Variants in USP4 observed in about 807,000 individuals in gnomAD.
USP4 encodes ubiquitin specific peptidase 4.
A neutral mutation model predicts 118.2 loss-of-function variants in USP4; 72 were observed. The ratio of observed to expected loss-of-function variants is 0.61; its 90% confidence interval spans 0.50 to 0.74. The LOEUF (loss-of-function observed/expected upper bound fraction) is 0.74. Ranked by LOEUF, USP4 falls within the 30% of genes least tolerant of loss-of-function variation. USP4 has a pLI of 0.00. For missense variants in USP4, 1,037 were observed against 1,185.7 expected (o/e 0.87, Z 1.84); for synonymous variants, 415 against 440.4 (o/e 0.94, Z 0.72).
chr3:49,294,229 C>T (rs2047179964), intron 14 of USP4, among the ~76,000 whole-genome samples, 178 bp downstream of exon 14: 1 of 152,192 alleles, frequency 6.6e-6, no homozygotes, highest in South Asian at 2.1e-4. Flanking sequence ...AGGTGATCTG[C>T]CCGCCTTGGC....
In USP4 at chr3:49,335,762, A is replaced by G. The variant is rs1236256159; in HGVS notation, c.102-166T>C. Among the ~76,000 whole-genome samples, 5 of 152,254 alleles carry G rather than the reference A, an allele frequency of 3.3e-5. No individual in the cohort carries two copies. The East Asian group carries it at 9.6e-4, about 29-fold the overall frequency. ...AGGGCCCAGGCCCCACATGGCACAG[A>G]GAGTCTGGCCCAGGGTATGCATCCA... On this transcript the variant is annotated intron_variant, in intron 1 of 21. Transcript: ENST00000265560.
At chr3:49,294,934 G>C (rs1014796364) in intron 13 of USP4, among the ~76,000 whole-genome samples, 9 of 152,036 alleles carry the variant, frequency 5.9e-5, no homozygotes, top group African/African-American at 2.2e-4. Context: ...GAACACAAAG[G>C]CACACAGCTG....
rs538928823 is a variant in USP4, at chr3:49,301,685, C to T, written c.1287+699G>A. ...CCTGGGCAACAGAGTGAGACTCCAT[C>T]TCAAAAAAAATAAATAAATAAATTT... On this transcript the variant is annotated intron_variant, in intron 10 of 21. Coordinates refer to ENST00000265560, the MANE Select transcript of USP4 (RefSeq NM_003363.4). Among the ~76,000 whole-genome samples the T allele has an allele frequency of 4.6e-5, 7 of 151,798 alleles. No homozygotes were observed. In the South Asian group the frequency reaches 1.2e-3, roughly 27 times the overall value.
intron 8 of USP4, among the ~76,000 whole-genome samples, chr3:49,306,550 C>T (rs1183953045): frequency 4.0e-5 from 6 of 151,828 alleles, no homozygotes; most frequent in Admixed American, 6.6e-5. Context: ...CTCCTACTTC[C>T]TTTGGGTTCT....
At chr3:49,298,335 G>A (rs1261738254) in intron 12 of USP4, among the ~76,000 whole-genome samples, 1 of 152,192 alleles carries the variant, frequency 6.6e-6, no homozygotes, top group Admixed American at 6.6e-5. Context: ...CACGGCTAGT[G>A]TGAACCCAAT....
chr3:49,317,558 T>C, intron 6 of USP4: 1 of 560,080 alleles, frequency 1.8e-6, no homozygotes, highest in South Asian at 2.1e-5. Flanking sequence ...TTTTTTTTTT[T>C]GAGACAACAG....
chr3:49,282,585 G>T (rs2047044798), intron 19 of USP4, among the ~76,000 whole-genome samples: 2 of 150,504 alleles, frequency 1.3e-5, no homozygotes, highest in Admixed American at 6.6e-5. Flanking sequence ...CCAAGATAAA[G>T]AATTTTTACA....
intron 6 of USP4, among the ~76,000 whole-genome samples, chr3:49,323,596 G>A (rs907103995): frequency 7.9e-5 from 12 of 152,100 alleles, no homozygotes; most frequent in Non-Finnish European, 1.6e-4. Flanking sequence ...ACTGGCAACC[G>A]GGGTTTCTTA....
chr3:49,298,544 C>T lies in USP4; in HGVS notation c.1596+8G>A, dbSNP rs532916866. ...ATAGACCGAGTGCCACTGATCACCC[C>T]GCCTTACATTTTCTGCAGCAATGCC... is the stretch of plus-strand genomic sequence containing the variant. On this transcript the variant is annotated splice_region_variant and intron_variant, in intron 12 of 21. Coordinates refer to ENST00000265560, the MANE Select transcript of USP4 (RefSeq NM_003363.4). 1.5e-5 allele frequency: 24 copies of T among 1,613,992 alleles called. No individual in the cohort carries two copies. Among genetic ancestry groups the T allele is most frequent in the African/African-American group, 2.7e-5 (2 of 75,054 alleles).
chr3:49,334,819 GCCCTGATTTTTGACAC>G (rs1260776073), intron 2 of USP4, among the ~76,000 whole-genome samples: 2 of 152,112 alleles, frequency 1.3e-5, no homozygotes, highest in Non-Finnish European at 2.9e-5. Context: ...TCCTGGCACT[GCCCTGATTTTTGACAC>G]CCATGACAGA....
intron 8 of USP4, among the ~76,000 whole-genome samples, chr3:49,310,171 C>T (rs1177929038): frequency 1.3e-5 from 2 of 151,366 alleles, no homozygotes; most frequent in Non-Finnish European, 2.9e-5. Flanking sequence ...GTGATCCACC[C>T]GCCTCTGCCT....
intron 6 of USP4, chr3:49,313,870 C>T (rs759042655): frequency 6.6e-6 from 1 of 151,880 alleles, no homozygotes; most frequent in Non-Finnish European, 1.5e-5. Flanking sequence ...TTAATTTTTA[C>T]CTTTTTTTTT....
rs185544302 is a variant in USP4 at position 49,299,838 on chromosome 3, T to C, written c.1512+629A>G. Among the ~76,000 whole-genome samples the C allele has an allele frequency of 2.4e-3, 358 of 152,332 alleles. 2 individuals are homozygous for C. Among genetic ancestry groups the C allele is most frequent in the African/African-American group, 8.3e-3 (346 of 41,576 alleles). ...CTTCTGTACAGGCTGTCCTAGGTTA[T>C]GTGAGGGTATATCTGAGTACGAAAA... On this transcript the variant is annotated intron_variant, in intron 11 of 21. Transcript: ENST00000265560.
intron 6 of USP4, chr3:49,316,761 G>A: frequency 2.4e-6 from 1 of 411,484 alleles, no homozygotes; most frequent in Admixed American, 4.0e-5. Flanking sequence ...CTGGGCCTCT[G>A]CTGGCTGAGG....
At chr3:49,317,509 C>T in intron 6 of USP4, 10 of 626,972 alleles carry the variant, frequency 1.6e-5, no homozygotes, top group South Asian at 5.4e-5. Context: ...GAGTTTCACT[C>T]TTTTTTTGTT....
At chr3:49,281,080 G>A (rs1167212333) in intron 19 of USP4, among the ~76,000 whole-genome samples, 1 of 152,150 alleles carries the variant, frequency 6.6e-6, no homozygotes, top group Non-Finnish European at 1.5e-5. Context: ...CAGCACTTTG[G>A]GGGGCCAAGG....
At chr3:49,286,017 C>T in intron 16 of USP4, 81 bp downstream of exon 16, 1 of 1,339,796 alleles carries the variant, frequency 7.5e-7, no homozygotes, top group Non-Finnish European at 1.1e-6. Flanking sequence ...AAGCCCAATG[C>T]AGTGAGTGTC....
At chr3:49,283,164 C>A (rs562008427) in intron 19 of USP4, among the ~76,000 whole-genome samples, 1 of 151,090 alleles carries the variant, frequency 6.6e-6, no homozygotes, top group Admixed American at 6.6e-5. Flanking sequence ...CACAGGTGTG[C>A]GCCACCACAT....
intron 6 of USP4, among the ~76,000 whole-genome samples, chr3:49,318,083 G>A (rs899097259): frequency 1.3e-5 from 2 of 152,092 alleles, no homozygotes; most frequent in Non-Finnish European, 1.5e-5. Flanking sequence ...TGATCCGCCC[G>A]CCTTGGCCTC....
Sources: allele counts gnomAD v4.1 joint callset (sites outside exome capture counted in the v4.1 genomes callset), GRCh38; gene constraint gnomAD v4.1.1; transcripts MANE v1.5; gene names NCBI Gene and HGNC (gene_info 2026-07-23, HGNC 2026-07-21).